Variants in PPP2R2C observed in about 807,000 individuals in gnomAD.
The protein encoded by PPP2R2C is protein phosphatase 2 regulatory subunit Bgamma, also known as protein phosphatase 2, regulatory subunit B, gamma.
A neutral mutation model predicts 45.3 loss-of-function variants in PPP2R2C; 10 were observed. That is an observed-to-expected ratio of 0.22 (90% CI 0.14 to 0.37). The LOEUF is 0.37. PPP2R2C is among the 10% of genes least tolerant of loss of function. The pLI is 1.00. For missense variants in PPP2R2C, 308 were observed against 619.7 expected (o/e 0.50, Z 5.34); for synonymous variants, 257 against 245.4 (o/e 1.05, Z -0.44).
rs1019971382 is a variant in PPP2R2C, at chr4:6,372,507, C to T, written c.625+16G>A. 52 of 1,607,246 alleles carry T rather than the reference C, an allele frequency of 3.2e-5. No individual in the cohort carries two copies. Among genetic ancestry groups the T allele is most frequent in the Non-Finnish European group, 4.3e-5 (50 of 1,175,540 alleles). ...CTGCCCGTGGGAGGCACTGGCCAGG[C>T]CACAGTGAAGGATACTGAAGCTCCT... On this transcript the variant is annotated intron_variant, in intron 5 of 8. Transcript: ENST00000382599.
In PPP2R2C at chr4:6,368,692, C is replaced by T. The variant is rs1466805839; in HGVS notation, c.625+3831G>A. 2.6e-5 allele frequency among the ~76,000 whole-genome samples: 4 copies of T among 152,142 alleles called. No homozygotes were observed. Among genetic ancestry groups the T allele is most frequent in the African/African-American group, 7.2e-5 (3 of 41,420 alleles). ...GATACAATCCAAATCTATGACACCT[C>T]CATCCTTACAATCTCATTCCTCCAC... On this transcript the variant is annotated intron_variant, in intron 5 of 8. Transcript: ENST00000382599. This position sits in a 1 kb window ranked among gnomAD's most constrained non-coding sequence, Gnocchi z 4.2.
At chr4:6,416,952 C>G (rs1479307295) in intron 1 of PPP2R2C, among the ~76,000 whole-genome samples, 1 of 152,164 alleles carries the variant, frequency 6.6e-6, no homozygotes, top group Non-Finnish European at 1.5e-5. Flanking sequence ...CCTCTCCTCT[C>G]TTCCTGGGGG....
intron 1 of PPP2R2C, among the ~76,000 whole-genome samples, chr4:6,395,603 G>A (rs925660123): frequency 6.6e-6 from 1 of 152,212 alleles, no homozygotes; most frequent in Non-Finnish European, 1.5e-5. Flanking sequence ...CACAGCGGGG[G>A]CTGATCAGCA....
At chr4:6,348,913 G>T in intron 5 of PPP2R2C, 1 of 818,570 alleles carries the variant, frequency 1.2e-6, no homozygotes, top group Non-Finnish European at 1.5e-6. Flanking sequence ...GCTTGCAAAG[G>T]CAGTATCCCT....
intron 1 of PPP2R2C, among the ~76,000 whole-genome samples, chr4:6,416,878 T>C (rs1216247437): frequency 8.5e-5 from 13 of 152,120 alleles, no homozygotes; most frequent in African/African-American, 3.1e-4. Context: ...CCCTTCCCCC[T>C]GTCGGGGGGA....
chr4:6,468,001 T>C (rs1034274191), intron 1 of PPP2R2C, among the ~76,000 whole-genome samples: 1 of 152,196 alleles, frequency 6.6e-6, no homozygotes, highest in African/African-American at 2.4e-5. Flanking sequence ...AACCAGTCAC[T>C]GCAAGGGGAA....
At chr4:6,511,549 GTGGTGGTGGTGGTGGTGGTGGTGA>G (rs1723497507) in intron 2 of PPP2R2C, among the ~76,000 whole-genome samples, 1 of 33,780 alleles carries the variant, frequency 3.0e-5, no homozygotes, top group Non-Finnish European at 6.9e-5. Flanking sequence ...GGTGGTGATG[GTGGTGGTGGTGGTGGTGGTGGTGA>G]TGGCGGTGGT....
chr4:6,396,036 C>T (rs1033340947), intron 1 of PPP2R2C, among the ~76,000 whole-genome samples: 7 of 152,198 alleles, frequency 4.6e-5, no homozygotes, highest in East Asian at 1.9e-4. Flanking sequence ...CCTGGGTCAC[C>T]GGGGAACTCA....
Position 6,378,185 on chromosome 4 carries a change from C to A in PPP2R2C, c.334+222G>T, listed in dbSNP as rs1339049108. Reference sequence around the variant, plus strand: ...CATACTCACTCATGGGATTTACATGCTGCTCAAAAAGGGGGGCAGCCCTGT... The same window carrying A: ...CATACTCACTCATGGGATTTACATGATGCTCAAAAAGGGGGGCAGCCCTGT... On this transcript the variant is annotated intron_variant, in intron 3 of 8. Transcript: ENST00000382599. The surrounding 1 kb of genome is among the most constrained non-coding windows in gnomAD (Gnocchi z 5.2). Among the ~76,000 whole-genome samples the A allele has an allele frequency of 6.6e-6, 1 of 151,940 alleles. No individual in the cohort carries two copies. Among genetic ancestry groups the A allele is most frequent in the African/African-American group, 2.4e-5 (1 of 41,392 alleles).
In PPP2R2C at chr4:6,331,933, G is replaced by T. The variant is rs1188048466; in HGVS notation, c.960+1629C>A. ...ACATCACAAGCCACCAAAAAATGTT[G>T]GTTGTTGTGCTGCTTTTATGTAGTT... On this transcript the variant is annotated intron_variant, in intron 7 of 8. Coordinates refer to ENST00000382599, the MANE Select transcript of PPP2R2C (RefSeq NM_020416.4). This position sits in a 1 kb window ranked among gnomAD's most constrained non-coding sequence, Gnocchi z 5.9. 6.6e-6 allele frequency among the ~76,000 whole-genome samples: 1 copy of T among 152,190 alleles called. No individual in the cohort carries two copies. Among genetic ancestry groups the T allele is most frequent in the Non-Finnish European group, 1.5e-5 (1 of 68,038 alleles).
At chr4:6,528,889 C>T (rs564025863) in intron 2 of PPP2R2C, among the ~76,000 whole-genome samples, 114 of 152,266 alleles carry the variant, frequency 7.5e-4, no homozygotes, top group African/African-American at 2.6e-3. Context: ...TCTTATAAAA[C>T]GGCCCCACCC....
intron 1 of PPP2R2C, among the ~76,000 whole-genome samples, chr4:6,419,470 A>T (rs1718823241): frequency 6.6e-6 from 1 of 152,076 alleles, no homozygotes; most frequent in Non-Finnish European, 1.5e-5. Context: ...AAAGAAAAGA[A>T]AAATATGCAA....
intron 5 of PPP2R2C, among the ~76,000 whole-genome samples, chr4:6,371,532 C>A (rs948495918): frequency 7.9e-5 from 12 of 152,138 alleles, no homozygotes; most frequent in Non-Finnish European, 1.6e-4. Context: ...GTCTTCCCAC[C>A]CCTTCCAAGA....
chr4:6,335,279 T>C (rs1732756388), intron 6 of PPP2R2C, among the ~76,000 whole-genome samples: 1 of 152,050 alleles, frequency 6.6e-6, no homozygotes, highest in South Asian at 2.1e-4. Flanking sequence ...AGCAGGCAGA[T>C]AGGTGCTGGG....
chr4:6,434,141 T>C (rs1428710713), intron 1 of PPP2R2C, among the ~76,000 whole-genome samples: 2 of 152,140 alleles, frequency 1.3e-5, no homozygotes, highest in African/African-American at 4.8e-5. Flanking sequence ...TGCACCTTGC[T>C]CATTTCACCT....
chr4:6,541,566 A>T (rs778912175), intron 1 of PPP2R2C, among the ~76,000 whole-genome samples: 2 of 152,034 alleles, frequency 1.3e-5, no homozygotes, highest in African/African-American at 4.8e-5. Flanking sequence ...TTGTTTGGTG[A>T]GACAGAGTCC....
intron 2 of PPP2R2C, among the ~76,000 whole-genome samples, chr4:6,496,394 G>C (rs913853608): frequency 1.3e-5 from 2 of 152,202 alleles, no homozygotes; most frequent in Non-Finnish European, 2.9e-5. Flanking sequence ...CTGTGAAATG[G>C]ACGCAACAGA....
intron 1 of PPP2R2C, among the ~76,000 whole-genome samples, chr4:6,451,698 G>A (rs1560557692): frequency 2.0e-5 from 3 of 152,250 alleles, no homozygotes; most frequent in South Asian, 4.2e-4. Flanking sequence ...GATGGCCAGG[G>A]AGAGAGGACA....
At chr4:6,521,968 G>A (rs1439997531) in intron 2 of PPP2R2C, among the ~76,000 whole-genome samples, 1 of 152,196 alleles carries the variant, frequency 6.6e-6, no homozygotes, top group Non-Finnish European at 1.5e-5. Context: ...CTCCCCAAGA[G>A]GCAAGGGGGC....
Sources: gnomAD v4.1 joint callset for allele counts (sites outside exome capture counted in the v4.1 genomes callset) on GRCh38, gnomAD v4.1.1 for gene constraint, Gnocchi (gnomAD v3.1) non-coding constraint, MANE v1.5 for transcripts, NCBI Gene and HGNC (gene_info 2026-07-23, HGNC 2026-07-21) for gene names.